The following WDPCP variants were observed in gnomAD, a reference collection of about 807,000 sequenced individuals.
WDPCP encodes the protein WD repeat containing planar cell polarity effector.
Under a neutral mutation model 93.1 loss-of-function variants are expected in WDPCP, and 71 were observed. The ratio of observed to expected loss-of-function variants is 0.76; its 90% CI spans 0.63 to 0.93. The LOEUF is 0.93. Ranked by LOEUF, WDPCP falls within the 40% of genes least tolerant of loss-of-function variation. WDPCP has a pLI of 0.00. For synonymous variants in WDPCP, 315 were observed against 315.0 expected, an observed-to-expected ratio of 1.00 and a Z score of 0.00; for missense variants, 844 against 887.4, an observed-to-expected ratio of 0.95 and a Z score of 0.62.
At chr2:63,154,004 T>C (rs79322060) in intron 15 of WDPCP, among the ~76,000 whole-genome samples, 3 of 151,760 alleles carry the variant, frequency 2.0e-5, no homozygotes, top group African/African-American at 4.8e-5. Context: ...CACCAAAACA[T>C]AGAAAAAGAA....
chr2:63,467,926 T>G (rs1275657063), intron 6 of WDPCP, among the ~76,000 whole-genome samples: 1 of 152,166 alleles, frequency 6.6e-6, no homozygotes, highest in African/African-American at 2.4e-5. Flanking sequence ...TAAATCTTTG[T>G]GAGTGTGATG....
intron 14 of WDPCP, among the ~76,000 whole-genome samples, chr2:63,238,306 A>G (rs945060838): frequency 1.4e-4 from 21 of 152,202 alleles, no homozygotes; most frequent in African/African-American, 5.1e-4. Flanking sequence ...GTAAAGCTGC[A>G]GTTTCCAATA....
At chr2:63,691,239 C>G (rs1216886625) in intron 2 of WDPCP, among the ~76,000 whole-genome samples, 1 of 152,132 alleles carries the variant, frequency 6.6e-6, no homozygotes, top group Non-Finnish European at 1.5e-5. Flanking sequence ...TCTGAAACAT[C>G]AGGATGTTTG....
intron 2 of WDPCP, among the ~76,000 whole-genome samples, chr2:63,783,370 T>C (rs1340409719): frequency 6.6e-6 from 1 of 152,026 alleles, no homozygotes; most frequent in Non-Finnish European, 1.5e-5. Context: ...CAGTGAGACA[T>C]GTTCGCACCA....
chr2:63,274,552 A>G (rs1463840850), intron 13 of WDPCP, among the ~76,000 whole-genome samples: 1 of 152,148 alleles, frequency 6.6e-6, no homozygotes, highest in African/African-American at 2.4e-5. Context: ...ATGAAAATCT[A>G]TACATTTCTA....
At chr2:63,216,719 A>T (rs978513263) in intron 14 of WDPCP, among the ~76,000 whole-genome samples, 2 of 152,116 alleles carry the variant, frequency 1.3e-5, no homozygotes, top group African/African-American at 4.8e-5. Context: ...AATAAAAAAA[A>T]AACTAAAAAA....
At chr2:63,345,588 A>C (rs1470230351) in intron 12 of WDPCP, among the ~76,000 whole-genome samples, 2 of 152,190 alleles carry the variant, frequency 1.3e-5, no homozygotes, top group African/African-American at 4.8e-5. Context: ...CTTAATTTGA[A>C]GGGCAGACAT....
rs149179870 is a variant in WDPCP, at chr2:63,237,213, C to G, written c.1915+22094G>C. 1.2e-3 allele frequency among the ~76,000 whole-genome samples: 180 copies of G among 151,814 alleles called. 2 individuals are homozygous for G. The highest frequency in any genetic ancestry group is 4.0e-3 in the African/African-American group (166 of 41,468). On this transcript the variant is annotated intron_variant, in intron 14 of 17. Transcript: ENST00000272321. ...TACTCAAAAGAAGACATACAAGTGG[C>G]CAAACATTAAAAACATGCTTAATAT...
At chr2:63,704,330 C>A (rs533759681) in intron 2 of WDPCP, among the ~76,000 whole-genome samples, 2 of 152,268 alleles carry the variant, frequency 1.3e-5, no homozygotes, top group South Asian at 4.1e-4. Context: ...GAACTTCCAA[C>A]ACTATGTTGA....
chr2:63,455,012 C>T (rs1411107202), intron 6 of WDPCP, among the ~76,000 whole-genome samples: 1 of 152,116 alleles, frequency 6.6e-6, no homozygotes, highest in Non-Finnish European at 1.5e-5. Context: ...TGAAGCAATT[C>T]ATCACTACTA....
intron 2 of WDPCP, among the ~76,000 whole-genome samples, chr2:63,788,137 A>C (rs966880713): frequency 1.3e-5 from 2 of 152,228 alleles, no homozygotes; most frequent in African/African-American, 4.8e-5. Flanking sequence ...CATGATATCT[A>C]GCATATCTGT....
chr2:63,613,335 G>A (rs1709635985), intron 3 of WDPCP, among the ~76,000 whole-genome samples: 1 of 152,224 alleles, frequency 6.6e-6, no homozygotes, highest in Non-Finnish European at 1.5e-5. Context: ...AGAAGAGCAG[G>A]AGCAGGGAAA....
intron 3 of WDPCP, among the ~76,000 whole-genome samples, chr2:63,601,043 C>T (rs1298573504): frequency 6.6e-6 from 1 of 152,216 alleles, no homozygotes; most frequent in African/African-American, 2.4e-5. Flanking sequence ...AAACAGTTCT[C>T]ACTGCAGGGC....
At chr2:63,297,261 G>T (rs1237583606) in intron 13 of WDPCP, among the ~76,000 whole-genome samples, 1 of 152,096 alleles carries the variant, frequency 6.6e-6, no homozygotes, top group East Asian at 1.9e-4. Flanking sequence ...AATAATCCCC[G>T]GTACAGCCTG....
At chr2:63,732,295 C>A (rs1427612464) in intron 2 of WDPCP, among the ~76,000 whole-genome samples, 2 of 152,170 alleles carry the variant, frequency 1.3e-5, no homozygotes, top group East Asian at 3.8e-4. Context: ...AGCATTGATG[C>A]TATAAAGACT....
At chr2:63,770,931 T>A (rs1302720618) in intron 2 of WDPCP, among the ~76,000 whole-genome samples, 1 of 151,988 alleles carries the variant, frequency 6.6e-6, no homozygotes, top group Non-Finnish European at 1.5e-5. Flanking sequence ...TCATTTGAGA[T>A]AAACATTTTA....
intron 14 of WDPCP, among the ~76,000 whole-genome samples, chr2:63,239,933 G>C (rs1679732413): frequency 6.6e-6 from 1 of 152,116 alleles, no homozygotes; most frequent in Non-Finnish European, 1.5e-5. Flanking sequence ...CTATTAAATG[G>C]ATATGAATAA....
At chr2:63,276,960 C>CT in intron 13 of WDPCP, among the ~76,000 whole-genome samples, 1 of 152,204 alleles carries the variant, frequency 6.6e-6, no homozygotes, top group South Asian at 2.1e-4. Flanking sequence ...AGGAAAGAAT[C>CT]TTAAGAGCTG....
chr2:63,837,540 T>C, the WDPCP span, among the ~76,000 whole-genome samples: 1 of 152,230 alleles, frequency 6.6e-6, no homozygotes, highest in Non-Finnish European at 1.5e-5. Flanking sequence ...CTGCTTTATT[T>C]TCTTGAATGT....
Sources: allele counts gnomAD v4.1 joint callset (sites outside exome capture counted in the v4.1 genomes callset), GRCh38; gene constraint gnomAD v4.1.1; transcripts MANE v1.5; gene names NCBI Gene and HGNC (gene_info 2026-07-23, HGNC 2026-07-21).